Variants in ZC3H3 observed in about 807,000 individuals in gnomAD.
The protein encoded by ZC3H3 is zinc finger CCCH-type containing 3.
In ZC3H3, 36 loss-of-function variants were observed where a neutral mutation model predicts 77.3. The ratio of observed to expected loss-of-function variants is 0.47; its 90% CI spans 0.36 to 0.61. ZC3H3 has a LOEUF of 0.61. Ranked by LOEUF, ZC3H3 falls within the 20% of genes least tolerant of loss-of-function variation. The probability of loss-of-function intolerance (pLI) is 0.00; values close to 1 mark genes in which losing one functional copy is unlikely to be tolerated. For missense variants in ZC3H3, 1,331 were observed against 1,312.2 expected, an observed-to-expected ratio of 1.01 and a Z score of -0.22; for synonymous variants, 626 against 555.2, an observed-to-expected ratio of 1.13 and a Z score of -1.79.
chr8:143,534,918 TTCAGCCCTCCACC>T (rs1356054357), intron 3 of ZC3H3, among the ~76,000 whole-genome samples: 1 of 151,764 alleles, frequency 6.6e-6, no homozygotes, highest in Admixed American at 6.6e-5. Flanking sequence ...CATCGCCCCA[TTCAGCCCTCCACC>T]TGGGACCCAA....
intron 3 of ZC3H3, among the ~76,000 whole-genome samples, chr8:143,521,453 C>T (rs1822239975): frequency 9.6e-6 from 1 of 103,826 alleles, no homozygotes; most frequent in Admixed American, 9.9e-5. Context: ...TCCCAGCAGG[C>T]CGGGAGGACT....
intron 8 of ZC3H3, 44 bp from the exon 9 acceptor site, chr8:143,465,892 C>T: frequency 3.1e-6 from 5 of 1,589,720 alleles, no homozygotes; most frequent in Non-Finnish European, 3.4e-6. Context: ...CAGCCACCCT[C>T]CAGGGCCCAG....
chr8:143,482,430 G>C (rs1204005520), intron 4 of ZC3H3, among the ~76,000 whole-genome samples: 1 of 152,216 alleles, frequency 6.6e-6, no homozygotes, highest in Non-Finnish European at 1.5e-5. Flanking sequence ...ACACACCCAA[G>C]TGTGTGCCAC....
chr8:143,445,618 A>G (rs1395414856), intron 9 of ZC3H3, among the ~76,000 whole-genome samples: 1 of 151,440 alleles, frequency 6.6e-6, no homozygotes, highest in Non-Finnish European at 1.5e-5. Context: ...ACGTGAGCCC[A>G]GGAGTTGGAG....
At chr8:143,472,576 G>A (rs2004099) in intron 5 of ZC3H3, among the ~76,000 whole-genome samples, 9 of 151,900 alleles carry the variant, frequency 5.9e-5, no homozygotes, top group African/African-American at 1.7e-4. Context: ...GGTGGGCACC[G>A]TGTCTGAGGG....
At chr8:143,474,146 A>G in intron 5 of ZC3H3, among the ~76,000 whole-genome samples, 1 of 151,706 alleles carries the variant, frequency 6.6e-6, no homozygotes, top group East Asian at 1.9e-4. Context: ...CACACGCACA[A>G]ATCACACAGC....
rs200065716 is a variant in ZC3H3 at position 143,438,173 on chromosome 8, C to CG, written c.2816-87dup. On this transcript the variant is annotated intron_variant, in intron 11 of 11. Coordinates refer to ENST00000262577, the MANE Select transcript of ZC3H3 (RefSeq NM_015117.3). ...CAAAGCTCCTGATCGGGCTCAGGATCGGGGGGCTCTGTCAGCCCAAGCACA... is the reference window on the plus strand; with the variant it reads ...CAAAGCTCCTGATCGGGCTCAGGATCGGGGGGGCTCTGTCAGCCCAAGCACA... 3,681 of 1,526,858 alleles carry CG rather than the reference C, an allele frequency of 2.4e-3. 38 individuals are homozygous for CG. In the African/African-American group the frequency reaches 0.029, roughly 12 times the overall value. The allele number at this position is 1,526,858 out of a possible 1,614,324, so 94.6% of individuals were successfully genotyped here.
At chr8:143,465,933 C>A in intron 8 of ZC3H3, 85 bp from the exon 9 acceptor site, 1 of 1,496,628 alleles carries the variant, frequency 6.7e-7, no homozygotes, top group Non-Finnish European at 8.9e-7. Context: ...CCTACGGCCC[C>A]GCCCGAGAGA....
chr8:143,506,323 G>A (rs778820278), intron 4 of ZC3H3, among the ~76,000 whole-genome samples: 12 of 152,218 alleles, frequency 7.9e-5, no homozygotes, highest in African/African-American at 2.9e-4. Flanking sequence ...AAGCAGGAGC[G>A]GAGAATCCAT....
At chr8:143,532,955 C>T (rs1822666648) in intron 3 of ZC3H3, among the ~76,000 whole-genome samples, 1 of 152,212 alleles carries the variant, frequency 6.6e-6, no homozygotes, top group Non-Finnish European at 1.5e-5. Context: ...CCGCGCACAT[C>T]TCCACGGGCT....
At chr8:143,527,048 A>G (rs1185672742) in intron 3 of ZC3H3, among the ~76,000 whole-genome samples, 1 of 152,112 alleles carries the variant, frequency 6.6e-6, no homozygotes, top group African/African-American at 2.4e-5. Flanking sequence ...AGGGGTGGCC[A>G]TCGGGACGGC....
chr8:143,511,284 G>A (rs922043190), intron 3 of ZC3H3, among the ~76,000 whole-genome samples: 10 of 152,180 alleles, frequency 6.6e-5, no homozygotes, highest in African/African-American at 2.2e-4. Context: ...CTGCCCACCC[G>A]GCTCACTCTC....
rs911769458 is a variant in ZC3H3, at chr8:143,523,356, C to G, written c.1561+12901G>C. On this transcript the variant is annotated intron_variant, in intron 3 of 11. Coordinates refer to ENST00000262577, the MANE Select transcript of ZC3H3 (RefSeq NM_015117.3). The stretch of plus-strand genomic sequence containing the variant: ...GGCTCAGAGCCAGATGGGGGTCCCA[C>G]AAGAGCAGGCAGCTTCAGAATGCTG... The G allele has an allele frequency of 9.1e-6, 9 of 985,440 alleles. No individual in the cohort carries two copies. The African/African-American group carries it at 1.4e-4, about 15-fold the overall frequency. The allele number at this position is 985,440 out of a possible 1,614,324, so 61.0% of individuals were successfully genotyped here.
intron 3 of ZC3H3, among the ~76,000 whole-genome samples, chr8:143,521,315 C>T (rs749378290): frequency 2.0e-5 from 3 of 152,142 alleles, no homozygotes; most frequent in Non-Finnish European, 2.9e-5. Flanking sequence ...GGTGGAGCCT[C>T]GAAAGTCTGA....
At chr8:143,516,839 C>T (rs10103957) in intron 3 of ZC3H3, among the ~76,000 whole-genome samples, 21,681 of 152,206 alleles carry the variant, frequency 0.14, 2,013 homozygotes, top group East Asian at 0.45. Flanking sequence ...CAAACATTTA[C>T]GGATTATCAA....
Position 143,447,264 on chromosome 8 carries a change from C to G in ZC3H3, c.2308-6144G>C, listed in dbSNP as rs545064213. Among the ~76,000 whole-genome samples, 54 of 152,324 alleles carry G rather than the reference C, an allele frequency of 3.5e-4. 1 individual carries two copies. The highest frequency in any genetic ancestry group is 1.3e-3 in the African/African-American group (54 of 41,574). On this transcript the variant is annotated intron_variant, in intron 9 of 11. Coordinates refer to ENST00000262577, the MANE Select transcript of ZC3H3 (RefSeq NM_015117.3). The stretch of plus-strand genomic sequence containing the variant: ...TGATGGCTGTGACGCACCCTTTGTC[C>G]CCAGCAGAGTTGCCAGCTTCCTTCC...
chr8:143,475,684 G>T, intron 4 of ZC3H3, 99 bp from the exon 5 acceptor site: 1 of 1,358,394 alleles, frequency 7.4e-7, no homozygotes. Context: ...CCTCCCAAGG[G>T]GGACAGGGAG....
rs1029225564 is a variant in ZC3H3, at chr8:143,466,769, C to T, written c.2176-921G>A. On this transcript the variant is annotated intron_variant, in intron 8 of 11. Transcript: ENST00000262577. Reference sequence around the variant, plus strand: ...CTCCAGTCTTGCCCCAGGCTATTCCCGCTCCCCTCCCAGGGCCTTCCTCCC... The same window carrying T: ...CTCCAGTCTTGCCCCAGGCTATTCCTGCTCCCCTCCCAGGGCCTTCCTCCC... Among the ~76,000 whole-genome samples the T allele has an allele frequency of 6.6e-5, 10 of 152,306 alleles. 1 individual carries two copies. Among genetic ancestry groups the T allele is most frequent in the African/African-American group, 1.2e-4 (5 of 41,580 alleles).
At chr8:143,540,275 C>T (rs1281723470) in intron 1 of ZC3H3, among the ~76,000 whole-genome samples, 1 of 152,078 alleles carries the variant, frequency 6.6e-6, no homozygotes, top group Non-Finnish European at 1.5e-5. Flanking sequence ...TCTCTGTTGC[C>T]CAGGCTGGAG....
Sources: allele counts gnomAD v4.1 joint callset (sites outside exome capture counted in the v4.1 genomes callset), GRCh38; gene constraint gnomAD v4.1.1; transcripts MANE v1.5; gene names NCBI Gene and HGNC (gene_info 2026-07-23, HGNC 2026-07-21).